HPCAL1: variants seen among roughly 807,000 people sequenced by gnomAD.
HPCAL1 encodes the protein hippocalcin like 1.
A neutral mutation model predicts 17.1 loss-of-function variants in HPCAL1; 8 were observed. The ratio of observed to expected loss-of-function variants is 0.47; its 90% CI spans 0.27 to 0.84. The LOEUF (loss-of-function observed/expected upper bound fraction) is 0.84, where lower values mean the gene tolerates loss of function less well. Among genes scored for constraint, HPCAL1 ranks in the 40% least tolerant of loss-of-function variants. The pLI, the probability that HPCAL1 is intolerant of heterozygous loss-of-function variation, is 0.13. For synonymous variants in HPCAL1, 112 were observed against 111.4 expected (o/e 1.01, Z -0.03); for missense variants, 165 against 271.1 (o/e 0.61, Z 2.75).
intron 1 of HPCAL1, among the ~76,000 whole-genome samples, chr2:10,378,529 TTC>T (rs982862388): frequency 6.6e-6 from 1 of 152,136 alleles, no homozygotes; most frequent in Non-Finnish European, 1.5e-5. Flanking sequence ...GGTGGCTTTT[TTC>T]TCTGTGTCCT....
intron 2 of HPCAL1, among the ~76,000 whole-genome samples, chr2:10,404,649 C>T (rs1023918477): frequency 1.3e-5 from 2 of 152,170 alleles, no homozygotes; most frequent in Non-Finnish European, 1.5e-5. Flanking sequence ...CCTTTGCTGC[C>T]CCAGGGTCGG....
intron 2 of HPCAL1, among the ~76,000 whole-genome samples, chr2:10,413,509 C>T (rs1269667790): frequency 6.6e-6 from 1 of 152,238 alleles, no homozygotes; most frequent in African/African-American, 2.4e-5. Context: ...GTAGGAAGCC[C>T]TTCCAGAGGA....
chr2:10,416,912 T>C (rs1157219549), intron 2 of HPCAL1, among the ~76,000 whole-genome samples: 8 of 152,182 alleles, frequency 5.3e-5, no homozygotes, highest in Non-Finnish European at 1.2e-4. Flanking sequence ...CACATTGTTC[T>C]GAGTCTGATG....
Position 10,422,694 on chromosome 2 carries a change from C to T in HPCAL1, c.379-289C>T, listed in dbSNP as rs557542535. On this transcript the variant is annotated intron_variant, in intron 3 of 4. Transcript: ENST00000307845. ...ACTCTCCCTCAGCATTCCCAGCCCC[C>T]GACAGGGACACTTAGGCACCTTCCT... Among the ~76,000 whole-genome samples the T allele has an allele frequency of 7.6e-4, 116 of 152,290 alleles. 1 individual carries two copies. Among genetic ancestry groups the T allele is most frequent in the East Asian group, 1.5e-3 (8 of 5,188 alleles).
rs116205866 is a variant in HPCAL1 at position 10,402,355 on chromosome 2, A to C, written c.-25+5435A>C. Among the ~76,000 whole-genome samples the C allele has an allele frequency of 3.1e-3, 473 of 152,312 alleles. 6 individuals are homozygous for C. Among genetic ancestry groups the C allele is most frequent in the African/African-American group, 0.011 (444 of 41,568 alleles). Reference sequence around the variant, plus strand: ...AGGGGTGTTCCGTGACTGCGTGTTGATTACACTTTGTGTGTATGGGTGGGT... The same window carrying C: ...AGGGGTGTTCCGTGACTGCGTGTTGCTTACACTTTGTGTGTATGGGTGGGT... On this transcript the variant is annotated intron_variant, in intron 2 of 4. Coordinates refer to ENST00000307845, the MANE Select transcript of HPCAL1 (RefSeq NM_002149.4).
chr2:10,399,241 T>TCACCACCACCACCATCACCATCATCAC (rs1669292728), intron 2 of HPCAL1, among the ~76,000 whole-genome samples: 1 of 12,034 alleles, frequency 8.3e-5, no homozygotes, highest in African/African-American at 2.5e-4. Context: ...ACCACCACCA[T>TCACCACCACCACCATCACCATCATCAC]CACCACCACC....
At chr2:10,320,424 AC>A (rs1210324029) in intron 1 of HPCAL1, among the ~76,000 whole-genome samples, 1 of 150,172 alleles carries the variant, frequency 6.7e-6, no homozygotes, top group Non-Finnish European at 1.5e-5. Context: ...AGTGTGAAGC[AC>A]CTCCCCCTGC....
intron 1 of HPCAL1, among the ~76,000 whole-genome samples, chr2:10,375,984 CA>C (rs770411455): frequency 3.9e-5 from 6 of 152,186 alleles, no homozygotes; most frequent in South Asian, 4.1e-4. Context: ...TTGATTGGAT[CA>C]GGGGGGCAGA....
At chr2:10,322,876 TA>T (rs1663762081) in intron 1 of HPCAL1, among the ~76,000 whole-genome samples, 2 of 152,222 alleles carry the variant, frequency 1.3e-5, no homozygotes, top group Admixed American at 6.5e-5. Flanking sequence ...TGTCACGTTT[TA>T]TGTTGTTTGC....
rs1668963083 is a variant in HPCAL1 at position 10,395,479 on chromosome 2, G to A, written c.-110-1356G>A. Among the ~76,000 whole-genome samples the A allele has an allele frequency of 6.6e-6, 1 of 152,084 alleles. No homozygotes were observed. The highest frequency in any genetic ancestry group is 6.5e-5 in the Admixed American group (1 of 15,278). On this transcript the variant is annotated intron_variant, in intron 1 of 4. Coordinates refer to ENST00000307845, the MANE Select transcript of HPCAL1 (RefSeq NM_002149.4). The surrounding 1 kb of genome is among the most constrained non-coding windows in gnomAD (Gnocchi z 4.4). ...AGTCAGGGGGGTGGGTTGGTGGGTGGGTGGAAGGAGGGGAGAGGTGCAGCA... is the reference window on the plus strand; with the variant it reads ...AGTCAGGGGGGTGGGTTGGTGGGTGAGTGGAAGGAGGGGAGAGGTGCAGCA...
chr2:10,351,805 G>A (rs1340620300), intron 1 of HPCAL1, among the ~76,000 whole-genome samples: 2 of 151,802 alleles, frequency 1.3e-5, no homozygotes, highest in African/African-American at 4.8e-5. Flanking sequence ...CTCCCTGTCT[G>A]AAAAAGGGGG....
chr2:10,348,608 A>AT (rs1665622292), intron 1 of HPCAL1, among the ~76,000 whole-genome samples: 1 of 105,014 alleles, frequency 9.5e-6, no homozygotes, highest in African/African-American at 3.3e-5. Flanking sequence ...TACAAAAAAA[A>AT]AAAAATATAT....
At chr2:10,391,199 G>T (rs1295828411) in intron 1 of HPCAL1, among the ~76,000 whole-genome samples, 1 of 151,690 alleles carries the variant, frequency 6.6e-6, no homozygotes, top group Non-Finnish European at 1.5e-5. Context: ...GCACCTTCCT[G>T]GGGGCCCAGT....
chr2:10,376,228 C>T (rs1667549640), intron 1 of HPCAL1, among the ~76,000 whole-genome samples: 1 of 152,162 alleles, frequency 6.6e-6, no homozygotes, highest in African/African-American at 2.4e-5. Context: ...TATAAATTCC[C>T]CAGTCTCAGG....
chr2:10,337,183 A>T (rs576617446), intron 1 of HPCAL1, among the ~76,000 whole-genome samples: 1 of 152,020 alleles, frequency 6.6e-6, no homozygotes, highest in East Asian at 1.9e-4. Flanking sequence ...TTAGAAGTAG[A>T]CCCCTCCCAT....
rs746560522 is a variant in HPCAL1, at chr2:10,314,137, G to GA, written c.-111+10975dup. ...TGACAGAGCAAGACTCCGTCTCAGG[G>GA]AAAAAAAAAAAAAAAGAATCCTCTT... On this transcript the variant is annotated intron_variant, in intron 1 of 4. Transcript: ENST00000307845. Among the ~76,000 whole-genome samples, 706 of 128,802 alleles carry GA rather than the reference G, an allele frequency of 5.5e-3. 1 individual carries two copies. The highest frequency in any genetic ancestry group is 8.6e-3 in the African/African-American group (299 of 34,738). 84.5% of individuals were successfully genotyped at this position (128,802 alleles called of 152,430 possible).
In HPCAL1 at chr2:10,407,707, G is replaced by C. The variant is rs190585063; in HGVS notation, c.-25+10787G>C. ...AAGAACATGAACTTGGAGGGAGTGA[G>C]CCTTGCAGACACTGAGGGGAAGGAA... is the stretch of plus-strand genomic sequence containing the variant. On this transcript the variant is annotated intron_variant, in intron 2 of 4. Coordinates refer to ENST00000307845, the MANE Select transcript of HPCAL1 (RefSeq NM_002149.4). 3.3e-5 allele frequency among the ~76,000 whole-genome samples: 5 copies of C among 152,332 alleles called. No homozygotes were observed. In the East Asian group the frequency reaches 9.7e-4, roughly 29 times the overall value.
chr2:10,400,197 G>A (rs973079229), intron 2 of HPCAL1, among the ~76,000 whole-genome samples: 1 of 152,184 alleles, frequency 6.6e-6, no homozygotes, highest in African/African-American at 2.4e-5. Context: ...GAGGGGGCGA[G>A]CAGGCGGCTC....
At chr2:10,420,164 C>G (rs749287272) in intron 3 of HPCAL1, 29 bp downstream of exon 3, 2 of 1,576,138 alleles carry the variant, frequency 1.3e-6, no homozygotes, top group South Asian at 2.3e-5. Context: ...CCGGGTCTCA[C>G]CGCGGGCCCA....
Sources: gnomAD v4.1 joint callset for allele counts (sites outside exome capture counted in the v4.1 genomes callset) on GRCh38, gnomAD v4.1.1 for gene constraint, Gnocchi (gnomAD v3.1) non-coding constraint, MANE v1.5 for transcripts, NCBI Gene and HGNC (gene_info 2026-07-23, HGNC 2026-07-21) for gene names.